Variants in R3HCC1L observed in about 807,000 individuals in gnomAD.
The protein encoded by R3HCC1L is R3H domain and coiled-coil containing 1 like.
Under a neutral mutation model 59.9 loss-of-function variants are expected in R3HCC1L, and 51 were observed. The observed-to-expected ratio is 0.85, with a 90% CI of 0.68 to 1.07. The LOEUF (loss-of-function observed/expected upper bound fraction) is 1.07. Ranked by LOEUF, R3HCC1L falls within the 50% of genes least tolerant of loss-of-function variation. The pLI is 0.00. For missense variants in R3HCC1L, 965 were observed against 933.0 expected, an observed-to-expected ratio of 1.03 and a Z score of -0.45; for synonymous variants, 322 against 315.2, an observed-to-expected ratio of 1.02 and a Z score of -0.23.
chr10:98,214,680 A>C (rs1372158492), intron 5 of R3HCC1L, among the ~76,000 whole-genome samples: 3 of 152,172 alleles, frequency 2.0e-5, no homozygotes, highest in Non-Finnish European at 4.4e-5. Flanking sequence ...TGTTTAATTA[A>C]AAGTACCCAT....
intron 5 of R3HCC1L, among the ~76,000 whole-genome samples, chr10:98,228,427 G>T (rs191946424): frequency 5.9e-5 from 9 of 152,200 alleles, no homozygotes; most frequent in Admixed American, 3.9e-4. Flanking sequence ...TGTTGATGGG[G>T]TTTTTGTTTT....
chr10:98,140,894 C>A (rs770319585), intron 1 of R3HCC1L, among the ~76,000 whole-genome samples: 2 of 151,862 alleles, frequency 1.3e-5, no homozygotes, highest in Non-Finnish European at 2.9e-5. Flanking sequence ...ATTTTTTCCT[C>A]AAAAAATCTA....
At chr10:98,220,826 C>G (rs1183906936) in intron 5 of R3HCC1L, among the ~76,000 whole-genome samples, 3 of 149,882 alleles carry the variant, frequency 2.0e-5, no homozygotes, top group Non-Finnish European at 1.5e-5. Context: ...GTGAATAATG[C>G]CGCAATAAAC....
chr10:98,164,606 C>T (rs1173227693), intron 4 of R3HCC1L, among the ~76,000 whole-genome samples: 1 of 151,932 alleles, frequency 6.6e-6, no homozygotes, highest in African/African-American at 2.4e-5. Flanking sequence ...TTGCAGCTGG[C>T]TATAAAGAGT....
chr10:98,152,248 C>T (rs1052874103), intron 1 of R3HCC1L, among the ~76,000 whole-genome samples: 1 of 152,256 alleles, frequency 6.6e-6, no homozygotes, highest in Admixed American at 6.5e-5. Flanking sequence ...GTCTTGTTCA[C>T]TCAGTGCTCA....
At chr10:98,188,241 G>C (rs1026293121) in intron 4 of R3HCC1L, among the ~76,000 whole-genome samples, 1 of 152,166 alleles carries the variant, frequency 6.6e-6, no homozygotes. Flanking sequence ...AACTAAAAAT[G>C]ATAAGGTATT....
intron 4 of R3HCC1L, among the ~76,000 whole-genome samples, chr10:98,207,817 T>C (rs893927056): frequency 1.3e-5 from 2 of 151,890 alleles, no homozygotes; most frequent in African/African-American, 2.4e-5. Context: ...GAGACCAGCC[T>C]AGGCAACATG....
intron 2 of R3HCC1L, among the ~76,000 whole-genome samples, chr10:98,157,696 C>A (rs1053422721): frequency 6.6e-6 from 1 of 152,146 alleles, no homozygotes; most frequent in Non-Finnish European, 1.5e-5. Context: ...TTTTTCTCTT[C>A]TCTGCTGTCT....
At chr10:98,177,745 T>A (rs1333724421) in intron 4 of R3HCC1L, among the ~76,000 whole-genome samples, 1 of 152,190 alleles carries the variant, frequency 6.6e-6, no homozygotes, top group Non-Finnish European at 1.5e-5. Flanking sequence ...AGATGGTATC[T>A]CATTGTGGTT....
At chr10:98,200,244 A>G (rs1851889694) in intron 4 of R3HCC1L, among the ~76,000 whole-genome samples, 2 of 139,232 alleles carry the variant, frequency 1.4e-5, no homozygotes, top group African/African-American at 4.9e-5. Flanking sequence ...CATTGTATTT[A>G]CTTCGTGTGA....
At chr10:98,204,623 G>A (rs1304896701) in intron 4 of R3HCC1L, among the ~76,000 whole-genome samples, 4 of 152,046 alleles carry the variant, frequency 2.6e-5, no homozygotes, top group African/African-American at 4.8e-5. Context: ...TCTTTTCCAC[G>A]GTTTTGCTTT....
At chr10:98,171,284 T>C (rs1192029656) in intron 4 of R3HCC1L, among the ~76,000 whole-genome samples, 1 of 152,236 alleles carries the variant, frequency 6.6e-6, no homozygotes, top group Non-Finnish European at 1.5e-5. Context: ...AATTCTGACC[T>C]ATACAATCCC....
rs1385776049 is a variant in R3HCC1L at position 98,231,614 on chromosome 10, CAT to C, written c.1889_1890del (p.His630ArgfsTer3). ...TGACCTCAGTGATTGTGAATTCCCA[CAT>C]GTCATTGAAATTTATGACTTTCCCC... ...DIDLSDCEFPHVIEIYDFPQE... is the reference protein window; with the variant it reads ...DIDLSDCEFPXVIEIYDFPQE... On this transcript the variant is annotated frameshift_variant, in exon 6 of 10. Coordinates refer to ENST00000298999, the MANE Select transcript of R3HCC1L (RefSeq NM_001351015.2). LOFTEE classifies it high-confidence loss of function. The C allele has an allele frequency of 1.6e-5, 25 of 1,612,384 alleles. No homozygotes were observed. The highest frequency in any genetic ancestry group is 2.0e-5 in the Non-Finnish European group (24 of 1,178,652).
rs184695191 is a variant in R3HCC1L at position 98,214,754 on chromosome 10, A to G, written c.1785+4855A>G. Reference sequence around the variant, plus strand: ...ATTTATAGTATAGTCCTTGACATATAAGGACTCAGAGCTAGAGCTTTATCC... The same window carrying G: ...ATTTATAGTATAGTCCTTGACATATGAGGACTCAGAGCTAGAGCTTTATCC... On this transcript the variant is annotated intron_variant, in intron 5 of 9. Coordinates refer to ENST00000298999, the MANE Select transcript of R3HCC1L (RefSeq NM_001351015.2). Among the ~76,000 whole-genome samples the G allele has an allele frequency of 1.4e-3, 210 of 152,354 alleles. 3 individuals are homozygous for G. The highest frequency in any genetic ancestry group is 1.9e-4 in the Non-Finnish European group (13 of 68,022).
chr10:98,224,678 A>G (rs567778927), intron 5 of R3HCC1L, among the ~76,000 whole-genome samples: 1 of 152,340 alleles, frequency 6.6e-6, no homozygotes, highest in East Asian at 1.9e-4. Context: ...GTGATTCATA[A>G]CTCAAAATTG....
At chr10:98,174,018 T>C (rs1022112550) in intron 4 of R3HCC1L, among the ~76,000 whole-genome samples, 10 of 152,330 alleles carry the variant, frequency 6.6e-5, no homozygotes, top group Non-Finnish European at 1.5e-4. Flanking sequence ...TGGTTGCTTT[T>C]TGAGCTTTAA....
intron 7 of R3HCC1L, 111 bp from the exon 8 acceptor site, chr10:98,235,314 C>A: frequency 1.1e-6 from 1 of 883,336 alleles, no homozygotes; most frequent in Non-Finnish European, 1.8e-6. Context: ...GTCTCTTTTG[C>A]TTGCTTTGAA....
chr10:98,151,905 G>A (rs948585641), intron 1 of R3HCC1L, among the ~76,000 whole-genome samples: 17 of 151,640 alleles, frequency 1.1e-4, no homozygotes, highest in Non-Finnish European at 1.6e-4. Flanking sequence ...ATTCCAGCTC[G>A]CTCTCTCTCT....
At chr10:98,237,698 C>T (rs1857111330) in intron 9 of R3HCC1L, among the ~76,000 whole-genome samples, 1 of 152,120 alleles carries the variant, frequency 6.6e-6, no homozygotes, top group African/African-American at 2.4e-5. Context: ...GGTGCTGAGG[C>T]TGTATGGATT....
Sources: gnomAD v4.1 joint callset for allele counts (sites outside exome capture counted in the v4.1 genomes callset) on GRCh38, gnomAD v4.1.1 for gene constraint, MANE v1.5 for transcripts, NCBI Gene and HGNC (gene_info 2026-07-23, HGNC 2026-07-21) for gene names.